Variants in FRMD6 observed in about 807,000 individuals in gnomAD.
FRMD6 encodes FERM domain-containing protein 6.
FRMD6 carries 37 observed loss-of-function variants against 73.2 expected under a neutral mutation model. That is an observed-to-expected ratio of 0.51 (90% CI 0.39 to 0.66). FRMD6 has a LOEUF of 0.66. Ranked by LOEUF, FRMD6 falls within the 30% of genes least tolerant of loss-of-function variation. FRMD6 has a pLI of 0.00. For synonymous variants in FRMD6, 273 were observed against 282.2 expected, an observed-to-expected ratio of 0.97 and a Z score of 0.33; for missense variants, 714 against 780.5, an observed-to-expected ratio of 0.91 and a Z score of 1.02.
At chr14:51,547,034 G>T (rs1303286776) in intron 1 of FRMD6, among the ~76,000 whole-genome samples, 1 of 152,034 alleles carries the variant, frequency 6.6e-6, no homozygotes, top group African/African-American at 2.4e-5. Flanking sequence ...ATGGTACAAT[G>T]ACCTTAGAAA....
At chr14:51,433,982 A>G in the FRMD6 span, among the ~76,000 whole-genome samples, 1 of 152,236 alleles carries the variant, frequency 6.6e-6, no homozygotes, top group Non-Finnish European at 1.5e-5. Context: ...AAATACTCAT[A>G]GGGATATGCT....
At chr14:51,559,677 A>T (rs1887368579) in intron 1 of FRMD6, among the ~76,000 whole-genome samples, 1 of 151,676 alleles carries the variant, frequency 6.6e-6, no homozygotes, top group Admixed American at 6.6e-5. Context: ...TCTTCTCCAG[A>T]CCTCCAAATT....
At position 51,698,220 on chromosome 14, in the gene FRMD6, A is replaced by G. The variant is rs1437929653; in HGVS notation, c.178A>G (p.Ser60Gly). 2 of 1,610,750 alleles carry G rather than the reference A, an allele frequency of 1.2e-6. No individual in the cohort carries two copies. Among genetic ancestry groups the G allele is most frequent in the Non-Finnish European group, 1.7e-6 (2 of 1,177,730 alleles). The part of the protein sequence containing the change: ...RLKDCHLFGL[S>G]VIQNNEHVYM... ...AAAGGACTGCCACCTCTTTGGACTC[A>G]GTGTTATACAAAGTAAGTCTTAGAG... The change falls in exon 3 of 14, where the codon AGT becomes GGT. Residue 60 changes from serine (S) to glycine (G), a missense_variant. Coordinates refer to ENST00000344768, the MANE Select transcript of FRMD6 (RefSeq NM_001267046.2).
intron 1 of FRMD6, chr14:51,565,212 A>G (rs1254018663): frequency 6.6e-6 from 1 of 152,246 alleles, no homozygotes; most frequent in Non-Finnish European, 1.5e-5. Context: ...TGGCAGGACA[A>G]GTCTGGCAAC....
At chr14:51,677,459 C>G (rs572099024) in intron 1 of FRMD6, among the ~76,000 whole-genome samples, 1 of 152,164 alleles carries the variant, frequency 6.6e-6, no homozygotes, top group African/African-American at 2.4e-5. Flanking sequence ...AAATTAGAAG[C>G]AGATGCTTCT....
intron 2 of FRMD6, among the ~76,000 whole-genome samples, chr14:51,632,995 A>T (rs1272130506): frequency 1.3e-5 from 2 of 152,252 alleles, no homozygotes; most frequent in Admixed American, 6.5e-5. Context: ...TTATATAACA[A>T]AATGGCATTT....
intron 1 of FRMD6, among the ~76,000 whole-genome samples, chr14:51,516,769 A>G (rs1884659475): frequency 6.6e-6 from 1 of 152,226 alleles, no homozygotes; most frequent in South Asian, 2.1e-4. Flanking sequence ...CAAATTGAAC[A>G]TTTAAAAGGG....
At chr14:51,542,314 T>C (rs570966694) in intron 1 of FRMD6, among the ~76,000 whole-genome samples, 1 of 152,186 alleles carries the variant, frequency 6.6e-6, no homozygotes, top group South Asian at 2.1e-4. Flanking sequence ...GTCTGACAAC[T>C]ACCAATCTGC....
At chr14:51,424,387 A>G in the FRMD6 span, among the ~76,000 whole-genome samples, 13 of 152,370 alleles carry the variant, frequency 8.5e-5, 1 homozygote, top group South Asian at 2.7e-3. Flanking sequence ...CAAGAGCACA[A>G]GTGAAAACCA....
chr14:51,603,063 T>C lies in FRMD6; in HGVS notation c.-147+32653T>C, dbSNP rs145029394. Among the ~76,000 whole-genome samples the C allele has an allele frequency of 6.4e-3, 977 of 152,308 alleles. 13 individuals carry two copies. The highest frequency in any genetic ancestry group is 0.022 in the African/African-American group (908 of 41,570). On this transcript the variant is annotated intron_variant, in intron 2 of 14. Coordinates refer to the FRMD6 transcript ENST00000356218. ...GTCAAGAGGGCTGAGCCCTCATGAA[T>C]GAGATTAGTGCCCTTATAAAAGAGA...
intron 13 of FRMD6, among the ~76,000 whole-genome samples, 186 bp from the exon 14 acceptor site, chr14:51,727,559 A>G (rs948678303): frequency 2.6e-5 from 4 of 152,182 alleles, no homozygotes; most frequent in African/African-American, 4.8e-5. Context: ...GTTAGCTGCT[A>G]TTATTACTGA....
the FRMD6 span, among the ~76,000 whole-genome samples, chr14:51,472,558 C>T: frequency 8.5e-5 from 13 of 152,204 alleles, no homozygotes; most frequent in Admixed American, 7.2e-4. Flanking sequence ...CCACCTCAGC[C>T]TCCCAAAGTG....
intron 1 of FRMD6, among the ~76,000 whole-genome samples, chr14:51,513,509 T>C (rs1884437801): frequency 6.6e-6 from 1 of 152,224 alleles, no homozygotes; most frequent in Non-Finnish European, 1.5e-5. Flanking sequence ...AGTGGTTATT[T>C]TGGCTTTACA....
intron 5 of FRMD6, among the ~76,000 whole-genome samples, chr14:51,703,189 A>C (rs1896430082): frequency 6.6e-6 from 1 of 152,168 alleles, no homozygotes; most frequent in Non-Finnish European, 1.5e-5. Context: ...AGGTGTGTGC[A>C]TGAACAGTAG....
intron 1 of FRMD6, among the ~76,000 whole-genome samples, chr14:51,493,764 TG>T (rs1196612570): frequency 6.6e-6 from 1 of 152,262 alleles, no homozygotes; most frequent in Non-Finnish European, 1.5e-5. Context: ...GCATTTGAGA[TG>T]GTCCAATGAA....
chr14:51,584,915 G>A (rs1475268464), intron 2 of FRMD6, among the ~76,000 whole-genome samples: 1 of 152,142 alleles, frequency 6.6e-6, no homozygotes, highest in African/African-American at 2.4e-5. Flanking sequence ...TTGTGGCTCA[G>A]TTTCCTCATT....
intron 1 of FRMD6, among the ~76,000 whole-genome samples, chr14:51,513,151 C>T (rs149374030): frequency 0.012 from 1,835 of 152,306 alleles, 30 homozygotes; most frequent in South Asian, 0.072. Flanking sequence ...ATCACAGGAG[C>T]GGCCTTCTGA....
intron 2 of FRMD6, among the ~76,000 whole-genome samples, chr14:51,622,413 G>A (rs1320786607): frequency 6.6e-6 from 1 of 152,144 alleles, no homozygotes; most frequent in Non-Finnish European, 1.5e-5. Context: ...AGGATAAAAT[G>A]GTCACTAAAG....
chr14:51,589,999 C>T (rs755293508), intron 2 of FRMD6, among the ~76,000 whole-genome samples: 7 of 143,718 alleles, frequency 4.9e-5, no homozygotes, highest in African/African-American at 1.0e-4. Context: ...ACCTGTGAGG[C>T]GGAGATTGCA....
Sources: gnomAD v4.1 joint callset for allele counts (sites outside exome capture counted in the v4.1 genomes callset) on GRCh38, gnomAD v4.1.1 for gene constraint, MANE v1.5 for transcripts, NCBI Gene and HGNC (gene_info 2026-07-23, HGNC 2026-07-21) for gene names.